UNC13C: variants seen among roughly 807,000 people sequenced by gnomAD.
UNC13C encodes the protein protein unc-13 homolog C.
A neutral mutation model predicts 245.4 loss-of-function variants in UNC13C; 174 were observed. The observed-to-expected ratio is 0.71, with a 90% CI of 0.63 to 0.80. UNC13C has a LOEUF of 0.80. Ranked by LOEUF, UNC13C falls within the 30% of genes least tolerant of loss-of-function variation. The pLI is 0.00. For synonymous variants in UNC13C, 992 were observed against 895.1 expected (o/e 1.11, Z -1.93); for missense variants, 2,829 against 2,602.9 (o/e 1.09, Z -1.89).
At chr15:54,022,856 G>A (rs532589079) in intron 2 of UNC13C, among the ~76,000 whole-genome samples, 2 of 152,224 alleles carry the variant, frequency 1.3e-5, no homozygotes, top group African/African-American at 4.8e-5. Flanking sequence ...AAGCAGTAGA[G>A]AACCAGCTAG....
intron 2 of UNC13C, among the ~76,000 whole-genome samples, chr15:54,130,464 T>C (rs2031344963): frequency 6.6e-6 from 1 of 151,812 alleles, no homozygotes; most frequent in African/African-American, 2.4e-5. Flanking sequence ...GGCTAATTTT[T>C]TGTATTTTTA....
intron 1 of UNC13C, among the ~76,000 whole-genome samples, chr15:53,990,353 C>A (rs1183228106): frequency 6.6e-6 from 1 of 151,792 alleles, no homozygotes. Context: ...TCAAAAAACC[C>A]AGCAAAGTTT....
chr15:54,308,101 G>C (rs1420091628), intron 13 of UNC13C, among the ~76,000 whole-genome samples: 1 of 151,766 alleles, frequency 6.6e-6, no homozygotes, highest in Non-Finnish European at 1.5e-5. Flanking sequence ...TCTGTTCATT[G>C]ATTATTTTTA....
intron 10 of UNC13C, among the ~76,000 whole-genome samples, chr15:54,281,511 T>C (rs2036997119): frequency 6.6e-6 from 1 of 152,214 alleles, no homozygotes; most frequent in Non-Finnish European, 1.5e-5. Context: ...TGCTGGTCAT[T>C]TGCCTTTCAG....
intron 17 of UNC13C, among the ~76,000 whole-genome samples, chr15:54,347,750 T>C (rs1037356588): frequency 4.6e-5 from 7 of 152,182 alleles, no homozygotes; most frequent in Non-Finnish European, 2.9e-5. Flanking sequence ...ATTTCTCTCT[T>C]TATTGACTTT....
intron 2 of UNC13C, among the ~76,000 whole-genome samples, chr15:54,053,911 G>A (rs938215437): frequency 6.6e-6 from 1 of 152,040 alleles, no homozygotes; most frequent in Non-Finnish European, 1.5e-5. Context: ...TCTGTGCCTG[G>A]CTTATTTCAC....
At chr15:53,862,318 C>G in the UNC13C span, among the ~76,000 whole-genome samples, 51 of 152,048 alleles carry the variant, frequency 3.4e-4, no homozygotes, top group African/African-American at 1.1e-3. Context: ...CAGACAGACT[C>G]AAAATTACAA....
chr15:54,026,535 G>A (rs1175690801), intron 2 of UNC13C, among the ~76,000 whole-genome samples: 2 of 152,190 alleles, frequency 1.3e-5, no homozygotes, highest in Admixed American at 1.3e-4. Flanking sequence ...ATCATCTGGA[G>A]TCATTTATTA....
chr15:54,162,368 A>G (rs914013076), intron 4 of UNC13C, among the ~76,000 whole-genome samples: 5 of 152,184 alleles, frequency 3.3e-5, no homozygotes, highest in African/African-American at 1.2e-4. Context: ...CTATGCAATC[A>G]TGGATAGACA....
rs1400106354 is a variant in UNC13C at position 53,978,746 on chromosome 15, G to A, written c.-438G>A. On this transcript the variant is annotated 5_prime_UTR_variant, in exon 1 of 33. Transcript: ENST00000260323. ...CAGACCAAGGCATGCCTGATTGCAC[G>A]AGTCGGATCCCTGGGACGCAGCTTC... Among the ~76,000 whole-genome samples the A allele has an allele frequency of 6.6e-6, 1 of 152,158 alleles. No homozygotes were observed. Among genetic ancestry groups the A allele is most frequent in the Non-Finnish European group, 1.5e-5 (1 of 68,032 alleles).
intron 13 of UNC13C, among the ~76,000 whole-genome samples, chr15:54,306,006 A>C (rs140821884): frequency 7.0e-4 from 106 of 152,158 alleles, no homozygotes; most frequent in African/African-American, 2.5e-3. Context: ...GAGAATAAAT[A>C]AATAAGGGGA....
intron 30 of UNC13C, among the ~76,000 whole-genome samples, chr15:54,607,104 T>A (rs993311337): frequency 2.6e-5 from 4 of 152,228 alleles, no homozygotes; most frequent in Non-Finnish European, 5.9e-5. Context: ...TAAAAAATTA[T>A]GTAATAAATT....
At chr15:54,417,611 A>G (rs1211089196) in intron 19 of UNC13C, among the ~76,000 whole-genome samples, 2 of 152,150 alleles carry the variant, frequency 1.3e-5, no homozygotes, top group Non-Finnish European at 2.9e-5. Flanking sequence ...CATACTTCAT[A>G]TATATTTTGA....
chr15:54,627,221 C>T lies in UNC13C; in HGVS notation c.*108C>T. 8.7e-7 allele frequency: 1 copy of T among 1,144,824 alleles called. No individual in the cohort carries two copies. Among genetic ancestry groups the T allele is most frequent in the Non-Finnish European group, 1.2e-6 (1 of 829,396 alleles). The allele number at this position is 1,144,824 out of a possible 1,614,324, so 70.9% of individuals were successfully genotyped here. A position where few individuals can be genotyped will look rare whatever the true frequency, so the allele number is the denominator to read the frequency against. ...CTACATTTCAATGTTTGCCAGTACT[C>T]ATGTACGATGTCTACAAGGTATGTA... On this transcript the variant is annotated 3_prime_UTR_variant, in exon 33 of 33. Transcript: ENST00000260323.
chr15:53,979,000 C>A (rs1201212399), intron 1 of UNC13C, among the ~76,000 whole-genome samples, 73 bp downstream of exon 1: 1 of 152,128 alleles, frequency 6.6e-6, no homozygotes, highest in East Asian at 1.9e-4. Flanking sequence ...CCTGTCCCTT[C>A]TTTTTGTTTG....
chr15:54,593,075 T>C (rs942992787), intron 30 of UNC13C, among the ~76,000 whole-genome samples: 4 of 152,194 alleles, frequency 2.6e-5, no homozygotes, highest in Non-Finnish European at 5.9e-5. Context: ...ATGCTTGGTT[T>C]CACTGGATAC....
At chr15:54,311,773 G>A (rs1257202922) in intron 13 of UNC13C, among the ~76,000 whole-genome samples, 3 of 151,614 alleles carry the variant, frequency 2.0e-5, no homozygotes, top group Non-Finnish European at 1.5e-5. Flanking sequence ...TTTTGTCAGC[G>A]ATTTGTTTGA....
At chr15:54,063,500 T>G (rs906666987) in intron 2 of UNC13C, among the ~76,000 whole-genome samples, 3 of 152,040 alleles carry the variant, frequency 2.0e-5, no homozygotes. Flanking sequence ...CGGTAAAGGA[T>G]AGTGGTTATT....
the UNC13C span, among the ~76,000 whole-genome samples, chr15:53,852,934 A>G: frequency 6.6e-6 from 1 of 152,114 alleles, no homozygotes; most frequent in Non-Finnish European, 1.5e-5. Context: ...CAGAATTAAT[A>G]ATAAGGGGTA....
Sources: allele counts gnomAD v4.1 joint callset (sites outside exome capture counted in the v4.1 genomes callset), GRCh38; gene constraint gnomAD v4.1.1; transcripts MANE v1.5; gene names NCBI Gene and HGNC (gene_info 2026-07-23, HGNC 2026-07-21).